The following CFAP299 variants were observed in gnomAD, a reference collection of about 807,000 sequenced individuals.
CFAP299 encodes the protein cilia- and flagella-associated protein 299.
A neutral mutation model predicts 27.0 loss-of-function variants in CFAP299; 21 were observed. The observed-to-expected ratio is 0.78, with a 90% confidence interval of 0.55 to 1.12. The LOEUF is 1.12. CFAP299 is among the 50% of genes most tolerant of loss of function. CFAP299 has a pLI of 0.00. For synonymous variants in CFAP299, 104 were observed against 98.1 expected (o/e 1.06, Z -0.36); for missense variants, 310 against 276.6 (o/e 1.12, Z -0.86).
intron 5 of CFAP299, among the ~76,000 whole-genome samples, chr4:80,946,821 G>A (rs1297855633): frequency 3.3e-5 from 5 of 151,992 alleles, no homozygotes; most frequent in Non-Finnish European, 5.9e-5. Context: ...GATCAGTAGG[G>A]GCAAAGTACA....
At chr4:80,579,189 C>T (rs932208738) in intron 2 of CFAP299, among the ~76,000 whole-genome samples, 14 of 152,162 alleles carry the variant, frequency 9.2e-5, no homozygotes, top group Admixed American at 7.2e-4. Context: ...ATAGTGGCCT[C>T]CAACTTATGG....
intron 4 of CFAP299, among the ~76,000 whole-genome samples, chr4:80,913,583 C>A (rs920382576): frequency 6.6e-6 from 1 of 152,106 alleles, no homozygotes; most frequent in Non-Finnish European, 1.5e-5. Flanking sequence ...GCAACTTCCT[C>A]GTTAGGCAAG....
intron 3 of CFAP299, among the ~76,000 whole-genome samples, chr4:80,755,466 C>A (rs1725184501): frequency 1.3e-5 from 2 of 151,948 alleles, no homozygotes; most frequent in African/African-American, 4.8e-5. Context: ...ATTAGAGAAC[C>A]ATTAGTCATG....
intron 3 of CFAP299, among the ~76,000 whole-genome samples, chr4:80,645,835 A>G (rs1011732662): frequency 4.6e-5 from 7 of 152,176 alleles, no homozygotes; most frequent in African/African-American, 1.2e-4. Context: ...TATAAGGTCA[A>G]GGGCTTATTG....
At chr4:80,881,598 G>A (rs1002632723) in intron 4 of CFAP299, among the ~76,000 whole-genome samples, 4 of 152,180 alleles carry the variant, frequency 2.6e-5, no homozygotes, top group Non-Finnish European at 5.9e-5. Context: ...ATTGACCAGT[G>A]TGTATGCCTC....
intron 4 of CFAP299, among the ~76,000 whole-genome samples, chr4:80,928,453 A>G (rs990796870): frequency 1.3e-5 from 2 of 152,130 alleles, no homozygotes; most frequent in Non-Finnish European, 2.9e-5. Context: ...CTAGAAATTT[A>G]TCCACAGATA....
chr4:80,831,560 T>C (rs1392107830), intron 3 of CFAP299, among the ~76,000 whole-genome samples: 1 of 152,130 alleles, frequency 6.6e-6, no homozygotes, highest in Non-Finnish European at 1.5e-5. Context: ...GGAGGGCTTA[T>C]TAAAATACAT....
intron 3 of CFAP299, among the ~76,000 whole-genome samples, chr4:80,854,810 G>GAAAAAAA (rs58533748): frequency 2.5e-4 from 11 of 43,380 alleles, no homozygotes; most frequent in African/African-American, 3.6e-4. Flanking sequence ...CTGTTGCTAT[G>GAAAAAAA]AAAAAAAAAA....
chr4:80,959,233 CT>C (rs1242793364), intron 5 of CFAP299, among the ~76,000 whole-genome samples: 1 of 150,832 alleles, frequency 6.6e-6, no homozygotes, highest in East Asian at 1.9e-4. Context: ...AGGAAGAAGC[CT>C]TGAGATAGAT....
rs377672371 is a variant in CFAP299 at position 80,896,419 on chromosome 4, T to C, written c.476+26284T>C. ...TTTTATAGGCAGGAATGAACTAGTTTCAAAGTGAATTAGTCCTCTATTTTC... is the reference window on the plus strand; with the variant it reads ...TTTTATAGGCAGGAATGAACTAGTTCCAAAGTGAATTAGTCCTCTATTTTC... On this transcript the variant is annotated intron_variant, in intron 4 of 5. Transcript: ENST00000358105. Among the ~76,000 whole-genome samples the C allele has an allele frequency of 6.6e-5, 10 of 152,248 alleles. No homozygotes were observed. In the South Asian group the frequency reaches 1.9e-3, roughly 28 times the overall value.
intron 2 of CFAP299, among the ~76,000 whole-genome samples, chr4:80,393,714 C>T (rs762815215): frequency 2.0e-5 from 3 of 152,076 alleles, no homozygotes; most frequent in Non-Finnish European, 2.9e-5. Flanking sequence ...TGTGTCAGTA[C>T]ACTCTATGAT....
intron 2 of CFAP299, among the ~76,000 whole-genome samples, chr4:80,440,914 C>T (rs1037384848): frequency 1.3e-5 from 2 of 152,102 alleles, no homozygotes; most frequent in Admixed American, 6.5e-5. Context: ...ATGAAGCATC[C>T]TCAAGTATCA....
intron 2 of CFAP299, among the ~76,000 whole-genome samples, chr4:80,406,822 C>G: frequency 6.6e-6 from 1 of 152,090 alleles, no homozygotes; most frequent in Middle Eastern, 3.2e-3. Flanking sequence ...TCATTTGGCT[C>G]CCACAACAAC....
At chr4:80,518,599 C>G (rs1162019403) in intron 2 of CFAP299, among the ~76,000 whole-genome samples, 1 of 151,854 alleles carries the variant, frequency 6.6e-6, no homozygotes, top group Non-Finnish European at 1.5e-5. Flanking sequence ...GGGCAGAAAG[C>G]TCTAAAATGC....
chr4:80,688,936 G>C (rs1474839838), intron 3 of CFAP299, among the ~76,000 whole-genome samples: 1 of 152,012 alleles, frequency 6.6e-6, no homozygotes, highest in Non-Finnish European at 1.5e-5. Context: ...TGGAAGAAAG[G>C]GTATCAGCGA....
intron 3 of CFAP299, among the ~76,000 whole-genome samples, chr4:80,848,535 T>TG: frequency 6.6e-6 from 1 of 152,148 alleles, no homozygotes; most frequent in East Asian, 1.9e-4. Context: ...TGGGCAACTG[T>TG]GGTGGGAGGG....
intron 3 of CFAP299, among the ~76,000 whole-genome samples, chr4:80,854,548 A>C (rs11730395): frequency 0.15 from 22,082 of 151,910 alleles, 2,014 homozygotes; most frequent in Middle Eastern, 0.27. Flanking sequence ...TATCCCAGCC[A>C]TTATAACAGG....
intron 3 of CFAP299, among the ~76,000 whole-genome samples, chr4:80,730,278 G>GTT (rs879624980): frequency 6.9e-6 from 1 of 144,894 alleles, no homozygotes; most frequent in Non-Finnish European, 1.5e-5. Flanking sequence ...GTGTGTGTGT[G>GTT]TATGTGTGTG....
At chr4:80,648,485 G>T (rs1045894748) in intron 3 of CFAP299, among the ~76,000 whole-genome samples, 2 of 152,068 alleles carry the variant, frequency 1.3e-5, no homozygotes, top group Non-Finnish European at 2.9e-5. Flanking sequence ...CAGATTAAGA[G>T]GATTTCTACT....
Sources: allele counts gnomAD v4.1 joint callset (sites outside exome capture counted in the v4.1 genomes callset), GRCh38; gene constraint gnomAD v4.1.1; transcripts MANE v1.5; gene names NCBI Gene and HGNC (gene_info 2026-07-23, HGNC 2026-07-21).